PNLIPRP3: variants seen among roughly 807,000 people sequenced by gnomAD.
PNLIPRP3 encodes the protein pancreatic lipase related protein 3.
In PNLIPRP3, 58 loss-of-function variants were observed where a neutral mutation model predicts 52.8. That is an observed-to-expected ratio of 1.10 (90% CI 0.89 to 1.37). PNLIPRP3 has a LOEUF of 1.37. Ranked by LOEUF, PNLIPRP3 falls within the 40% of genes most tolerant of loss-of-function variation. The probability of loss-of-function intolerance (pLI) is 0.00; values close to 1 mark genes in which losing one functional copy is unlikely to be tolerated. For missense variants in PNLIPRP3, 593 were observed against 561.6 expected (o/e 1.06, Z -0.57); for synonymous variants, 192 against 185.0 (o/e 1.04, Z -0.31).
chr10:116,436,891 A>G, intron 2 of PNLIPRP3, 26 bp downstream of exon 2: 1 of 1,549,848 alleles, frequency 6.5e-7, no homozygotes, highest in Non-Finnish European at 8.8e-7. Context: ...GCCTTCACAC[A>G]TGGATTATTC....
intron 1 of PNLIPRP3, among the ~76,000 whole-genome samples, chr10:116,432,109 A>ATT (rs1845716508): frequency 6.6e-6 from 1 of 152,092 alleles, no homozygotes; most frequent in South Asian, 2.1e-4. Context: ...CCCTAACTAG[A>ATT]TTATATACTC....
intron 10 of PNLIPRP3, among the ~76,000 whole-genome samples, chr10:116,473,188 G>A (rs1846402118): frequency 6.6e-6 from 1 of 152,222 alleles, no homozygotes. Context: ...TTAAGAATAA[G>A]TAAGCATTGA....
chr10:116,447,954 C>A (rs1845976628), intron 4 of PNLIPRP3, among the ~76,000 whole-genome samples: 1 of 36,470 alleles, frequency 2.7e-5, no homozygotes, highest in South Asian at 2.4e-3. Context: ...GAGTGAGACT[C>A]CATCAAAAAA....
At chr10:116,461,950 G>A (rs1564702255) in intron 7 of PNLIPRP3, among the ~76,000 whole-genome samples, 4 of 152,164 alleles carry the variant, frequency 2.6e-5, no homozygotes, top group Admixed American at 6.5e-5. Context: ...CTGAAACTAG[G>A]TAAAAGGAAA....
intron 2 of PNLIPRP3, among the ~76,000 whole-genome samples, chr10:116,441,462 T>G (rs1845857060): frequency 6.6e-6 from 1 of 152,178 alleles, no homozygotes; most frequent in Non-Finnish European, 1.5e-5. Flanking sequence ...AGTAGGTGTT[T>G]GAGGCGCTCC....
intron 9 of PNLIPRP3, among the ~76,000 whole-genome samples, chr10:116,470,918 GAA>G: frequency 6.6e-6 from 1 of 152,252 alleles, no homozygotes; most frequent in Admixed American, 6.5e-5. Context: ...CTCATTGGAT[GAA>G]GAAACAGTTC....
Position 116,477,094 on chromosome 10 carries a change from A to G in PNLIPRP3, c.1345A>G (p.Thr449Ala). 6.3e-7 allele frequency: 1 copy of G among 1,588,848 alleles called. No homozygotes were observed. The highest frequency in any genetic ancestry group is 8.6e-7 in the Non-Finnish European group (1 of 1,164,652). Reference sequence around the variant, plus strand: ...TTTTTCCTTAAAAACTTTCAGATCTACCTTCTGTAGCCAAGACATTATGGG... The same window carrying G: ...TTTTTCCTTAAAAACTTTCAGATCTGCCTTCTGTAGCCAAGACATTATGGG... ...NTSGKYGYKS[T>A]FCSQDIMGPN... The change falls in exon 12 of 12, where the codon ACC becomes GCC. Residue 449 changes from threonine to alanine, a missense_variant. Physicochemically the swap from Thr to Ala is moderately conservative, Grantham distance 58. Coordinates refer to ENST00000369230, the MANE Select transcript of PNLIPRP3 (RefSeq NM_001011709.3).
rs1171631432 is a variant in PNLIPRP3, at chr10:116,461,097, C to G, written c.685+12C>G. On this transcript the variant is annotated intron_variant, in intron 6 of 11. Transcript: ENST00000369230. The stretch of plus-strand genomic sequence containing the variant: ...CCTCTTTGAGCTTGGTAAGTTTTAA[C>G]AGAATCAGAAACTTCATTGAAGCAT... The G allele has an allele frequency of 6.2e-7, 1 of 1,614,142 alleles. No homozygotes were observed. Among genetic ancestry groups the G allele is most frequent in the Admixed American group, 1.7e-5 (1 of 60,020 alleles).
chr10:116,453,894 C>T (rs1846074317), intron 4 of PNLIPRP3, among the ~76,000 whole-genome samples: 1 of 151,970 alleles, frequency 6.6e-6, no homozygotes, highest in Non-Finnish European at 1.5e-5. Context: ...GGTTTTAAGC[C>T]CTGCATTCAT....
At chr10:116,461,341 T>C in intron 7 of PNLIPRP3, 51 bp downstream of exon 7, 1 of 1,577,512 alleles carries the variant, frequency 6.3e-7, no homozygotes, top group Non-Finnish European at 8.7e-7. Flanking sequence ...CACTTAGCTC[T>C]CTCCTTAGAT....
chr10:116,437,959 G>A (rs1037014894), intron 2 of PNLIPRP3, among the ~76,000 whole-genome samples: 1 of 152,096 alleles, frequency 6.6e-6, no homozygotes, highest in Non-Finnish European at 1.5e-5. Context: ...GATCACACAC[G>A]GGAAACAGCC....
chr10:116,465,363 C>T (rs189248236), intron 7 of PNLIPRP3, among the ~76,000 whole-genome samples: 56 of 152,064 alleles, frequency 3.7e-4, no homozygotes, highest in African/African-American at 1.3e-3. Context: ...GGTGAAACCC[C>T]GTCTCTACTA....
At chr10:116,469,085 G>A (rs1424869716) in intron 8 of PNLIPRP3, 100 bp from the exon 9 acceptor site, 1 of 1,195,880 alleles carries the variant, frequency 8.4e-7, no homozygotes, top group Non-Finnish European at 1.1e-6. Context: ...CCTTTATTTA[G>A]ATCCTGGAGA....
rs1353698983 is a variant in PNLIPRP3 at position 116,433,373 on chromosome 10, T to G, written c.50-3338T>G. Among the ~76,000 whole-genome samples the G allele has an allele frequency of 6.6e-5, 10 of 152,056 alleles. No individual in the cohort carries two copies. In the East Asian group the frequency reaches 1.7e-3, roughly 26 times the overall value. On this transcript the variant is annotated intron_variant, in intron 1 of 11. Coordinates refer to ENST00000369230, the MANE Select transcript of PNLIPRP3 (RefSeq NM_001011709.3). The stretch of plus-strand genomic sequence containing the variant: ...TACAAATAAATAAGCAAAAACAAAC[T>G]TTAGAAAAATATGCATAGGACACAA...
chr10:116,438,693 A>C (rs1845813279), intron 2 of PNLIPRP3, among the ~76,000 whole-genome samples: 1 of 152,208 alleles, frequency 6.6e-6, no homozygotes, highest in South Asian at 2.1e-4. Context: ...AACAACCAAG[A>C]TATAGGATAA....
chr10:116,461,070 A>T lies in PNLIPRP3; in HGVS notation c.670A>T (p.Ile224Phe). The T allele has an allele frequency of 1.2e-6, 2 of 1,614,174 alleles. No homozygotes were observed. The highest frequency in any genetic ancestry group is 1.7e-6 in the Non-Finnish European group (2 of 1,180,038). Residue 224 changes from isoleucine to phenylalanine, a missense_variant, in exon 6 of 12, where the codon ATC (isoleucine) becomes TTC (phenylalanine). Ile to Phe is a conservative substitution (Grantham distance 21). Coordinates refer to ENST00000369230, the MANE Select transcript of PNLIPRP3 (RefSeq NM_001011709.3). ...CGTTATTCATACAAATGCAGCTCGC[A>T]TCCTCTTTGAGCTTGGTAAGTTTTA... ...VDVIHTNAAR[I>F]LFELGVGTID...
chr10:116,440,364 T>A (rs1048346482), intron 2 of PNLIPRP3, among the ~76,000 whole-genome samples: 4 of 152,192 alleles, frequency 2.6e-5, no homozygotes, highest in African/African-American at 9.7e-5. Context: ...AGTACTTCCC[T>A]AAATAATGTT....
intron 11 of PNLIPRP3, 100 bp downstream of exon 11, chr10:116,476,919 A>T: frequency 5.3e-6 from 7 of 1,315,354 alleles, no homozygotes; most frequent in Non-Finnish European, 7.2e-6. Flanking sequence ...ATAAAAATTT[A>T]TAGACTTTGA....
At chr10:116,456,755 G>A (rs1846121011) in intron 5 of PNLIPRP3, among the ~76,000 whole-genome samples, 1 of 152,316 alleles carries the variant, frequency 6.6e-6, no homozygotes, top group East Asian at 1.9e-4. Context: ...CAACAGGCGG[G>A]GCTGGCCTCT....
Sources: gnomAD v4.1 joint callset for allele counts (sites outside exome capture counted in the v4.1 genomes callset) on GRCh38, gnomAD v4.1.1 for gene constraint, MANE v1.5 for transcripts, NCBI Gene and HGNC (gene_info 2026-07-23, HGNC 2026-07-21) for gene names.